Variants in MBNL2 observed in about 807,000 individuals in gnomAD.
The protein encoded by MBNL2 is muscleblind like splicing regulator 2, also known as muscleblind-like protein 2.
MBNL2 carries 17 observed loss-of-function variants against 41.9 expected under a neutral mutation model. That is an observed-to-expected ratio of 0.41 (90% CI 0.28 to 0.61). MBNL2 has a LOEUF of 0.61. Ranked by LOEUF, MBNL2 falls within the 20% of genes least tolerant of loss-of-function variation. The pLI is 0.35. For missense variants in MBNL2, 336 were observed against 505.6 expected (o/e 0.66, Z 3.22); for synonymous variants, 195 against 182.9 (o/e 1.07, Z -0.53).
the MBNL2 span, among the ~76,000 whole-genome samples, chr13:97,214,268 G>GT: frequency 6.6e-6 from 1 of 152,124 alleles, no homozygotes; most frequent in Admixed American, 6.6e-5. Flanking sequence ...CTCTTTCCTG[G>GT]TTTTTTAAAA....
chr13:97,151,850 T>C, the MBNL2 span, among the ~76,000 whole-genome samples: 11 of 152,274 alleles, frequency 7.2e-5, no homozygotes, highest in Admixed American at 7.2e-4. Context: ...ATGGGAGACC[T>C]GGAAATACTT....
At chr13:97,374,287 A>G (rs1232473094) in intron 8 of MBNL2, among the ~76,000 whole-genome samples, 37 of 148,144 alleles carry the variant, frequency 2.5e-4, no homozygotes, top group Admixed American at 2.7e-4. Context: ...AGCTGGGACT[A>G]CAGGCGCCCG....
chr13:97,289,766 A>G (rs1369266392), intron 2 of MBNL2, among the ~76,000 whole-genome samples: 2 of 152,234 alleles, frequency 1.3e-5, no homozygotes, highest in African/African-American at 4.8e-5. Flanking sequence ...ACAGTGGTAA[A>G]GTAAATTAAA....
the MBNL2 span, among the ~76,000 whole-genome samples, chr13:97,165,067 G>C: frequency 6.6e-6 from 1 of 152,130 alleles, no homozygotes; most frequent in Non-Finnish European, 1.5e-5. Context: ...AGCCAGGCAT[G>C]GTGGTGATCA....
upstream of MBNL2, among the ~76,000 whole-genome samples, chr13:97,218,854 G>A (rs1369398333): frequency 1.3e-5 from 2 of 151,566 alleles, no homozygotes. Context: ...TAACATACAT[G>A]TGTTACGGAG....
chr13:97,387,399 C>T (rs1270891312), intron 8 of MBNL2, among the ~76,000 whole-genome samples: 1 of 152,142 alleles, frequency 6.6e-6, no homozygotes, highest in African/African-American at 2.4e-5. Context: ...GAATGAGAGG[C>T]CCAGCAGCCT....
At chr13:97,154,245 A>C in the MBNL2 span, among the ~76,000 whole-genome samples, 30 of 152,136 alleles carry the variant, frequency 2.0e-4, no homozygotes, top group Non-Finnish European at 3.7e-4. Flanking sequence ...ATTCTCATAA[A>C]AATTTTAAAT....
At chr13:97,164,621 A>G in the MBNL2 span, among the ~76,000 whole-genome samples, 1 of 152,112 alleles carries the variant, frequency 6.6e-6, no homozygotes, top group Admixed American at 6.6e-5. Flanking sequence ...GCCTAACAGA[A>G]ACTTTTTTTT....
chr13:97,352,816 A>C lies in MBNL2; in HGVS notation c.805-3980A>C, dbSNP rs534501401. Reference sequence around the variant, plus strand: ...ATTAACACAACATATCAAAGTACTAATAGTGACCTTAGGGCTGAGCCCTGA... The same window carrying C: ...ATTAACACAACATATCAAAGTACTACTAGTGACCTTAGGGCTGAGCCCTGA... On this transcript the variant is annotated intron_variant, in intron 5 of 8. Coordinates refer to ENST00000679496, the MANE Select transcript of MBNL2 (RefSeq NM_001382683.1). Among the ~76,000 whole-genome samples the C allele has an allele frequency of 8.5e-5, 13 of 152,362 alleles. No individual in the cohort carries two copies. In the South Asian group the frequency reaches 2.5e-3, roughly 29 times the overall value.
At chr13:97,339,029 T>C (rs1020729550) in intron 3 of MBNL2, among the ~76,000 whole-genome samples, 2 of 105,228 alleles carry the variant, frequency 1.9e-5, no homozygotes, top group Admixed American at 9.4e-5. Context: ...AGTATGAATG[T>C]GTAGTTAGTG....
At chr13:97,152,248 C>G in the MBNL2 span, among the ~76,000 whole-genome samples, 1 of 151,706 alleles carries the variant, frequency 6.6e-6, no homozygotes, top group Non-Finnish European at 1.5e-5. Flanking sequence ...TTCAGAAAAC[C>G]TTCTAGAATG....
chr13:97,156,591 T>A, the MBNL2 span, among the ~76,000 whole-genome samples: 1 of 141,698 alleles, frequency 7.1e-6, no homozygotes. Context: ...AAGGAAGGGA[T>A]CCAGTTTCAG....
chr13:97,347,184 G>A (rs57402474), intron 5 of MBNL2, 117 bp downstream of exon 5: 29,701 of 785,452 alleles, frequency 0.038, 709 homozygotes, highest in Non-Finnish European at 0.045. Flanking sequence ...TATTCCTGCT[G>A]CTCCGCTGCC....
chr13:97,229,632 A>G (rs1407766076), intron 1 of MBNL2, among the ~76,000 whole-genome samples: 1 of 152,174 alleles, frequency 6.6e-6, no homozygotes, highest in Non-Finnish European at 1.5e-5. Flanking sequence ...GAGGAATAGC[A>G]TGATGTGGTA....
At chr13:97,173,853 A>G in the MBNL2 span, among the ~76,000 whole-genome samples, 1 of 152,020 alleles carries the variant, frequency 6.6e-6, no homozygotes, top group Non-Finnish European at 1.5e-5. Flanking sequence ...CTTATCGGAT[A>G]CCTCCATTCC....
Position 97,298,179 on chromosome 13 carries a change from AAAT to A in MBNL2, c.174+21778_174+21780del, listed in dbSNP as rs534618845. Reference sequence around the variant, plus strand: ...GTACCCTAAAACTTGAAGTATAATAAAATAATAATATAAATAAATAAAAATAAA... The same window carrying A: ...GTACCCTAAAACTTGAAGTATAATAAAATAATATAAATAAATAAAAATAAA... On this transcript the variant is annotated intron_variant, in intron 2 of 8. Coordinates refer to ENST00000679496, the MANE Select transcript of MBNL2 (RefSeq NM_001382683.1). Among the ~76,000 whole-genome samples the A allele has an allele frequency of 6.9e-3, 1,044 of 151,804 alleles. 4 individuals carry two copies. The highest frequency in any genetic ancestry group is 0.012 in the Non-Finnish European group (803 of 67,914).
At chr13:97,215,194 G>GCCTGGGT in the MBNL2 span, among the ~76,000 whole-genome samples, 2 of 150,366 alleles carry the variant, frequency 1.3e-5, no homozygotes, top group African/African-American at 4.8e-5. Flanking sequence ...GGGTCAGGAG[G>GCCTGGGT]CATGATATGA....
intron 2 of MBNL2, among the ~76,000 whole-genome samples, chr13:97,280,612 G>GC (rs1388399498): frequency 1.3e-5 from 2 of 152,156 alleles, no homozygotes; most frequent in African/African-American, 4.8e-5. Flanking sequence ...AGAGTAAAGA[G>GC]CAACACTGCA....
At chr13:97,187,198 T>G in the MBNL2 span, among the ~76,000 whole-genome samples, 5 of 152,262 alleles carry the variant, frequency 3.3e-5, no homozygotes, top group African/African-American at 9.6e-5. Context: ...GTAATTTTTG[T>G]TTTTTCACAA....
Sources: gnomAD v4.1 joint callset for allele counts (sites outside exome capture counted in the v4.1 genomes callset) on GRCh38, gnomAD v4.1.1 for gene constraint, MANE v1.5 for transcripts, NCBI Gene and HGNC (gene_info 2026-07-23, HGNC 2026-07-21) for gene names.